TM2D3: variants seen among roughly 807,000 people sequenced by gnomAD.
TM2D3 encodes TM2 domain-containing protein 3.
TM2D3 carries 33 observed loss-of-function variants against 27.3 expected under a neutral mutation model. The ratio of observed to expected loss-of-function variants is 1.21; its 90% CI spans 0.92 to 1.61. The LOEUF is 1.61. TM2D3 is among the 40% of genes most tolerant of loss of function. TM2D3 has a pLI of 0.00. For missense variants in TM2D3, 364 were observed against 320.8 expected (o/e 1.13, Z -1.03); for synonymous variants, 138 against 122.2 (o/e 1.13, Z -0.85).
chr15:101,651,561 T>C, intron 2 of TM2D3, 135 bp downstream of exon 2: 1 of 887,406 alleles, frequency 1.1e-6, no homozygotes, highest in South Asian at 1.6e-5. Context: ...CTACCCTTAA[T>C]TCACATAATC....
At chr15:101,642,728 A>T in intron 5 of TM2D3, 84 bp from the exon 6 acceptor site, 4 of 1,230,326 alleles carry the variant, frequency 3.3e-6, no homozygotes, top group Non-Finnish European at 4.4e-6. Context: ...ACATTATGTC[A>T]GATTTGAGAA....
intron 2 of TM2D3, 57 bp downstream of exon 2, chr15:101,651,639 A>G: frequency 6.6e-7 from 1 of 1,508,502 alleles, no homozygotes; most frequent in Non-Finnish European, 9.1e-7. Flanking sequence ...TATAAAAACA[A>G]AGAGAAACTA....
intron 1 of TM2D3, 84 bp downstream of exon 1, chr15:101,652,187 G>T: frequency 7.9e-7 from 1 of 1,268,598 alleles, no homozygotes; most frequent in Non-Finnish European, 1.1e-6. Flanking sequence ...GTCAGCGTCC[G>T]CCCGTGGGCC....
At chr15:101,641,120 T>G (rs1896657690), downstream of TM2D3, among the ~76,000 whole-genome samples, 1 of 152,230 alleles carries the variant, frequency 6.6e-6, no homozygotes, top group African/African-American at 2.4e-5. Context: ...GGGCTACTTC[T>G]TGAAGAAAAG....
rs1435619532 is a variant in TM2D3, at chr15:101,651,745, T to C, written c.120A>G (p.Ile40Met). 2.5e-6 allele frequency: 4 copies of C among 1,614,090 alleles called. No homozygotes were observed. The highest frequency in any genetic ancestry group is 1.3e-5 in the African/African-American group (1 of 74,924). Residue 40 changes from isoleucine (I) to methionine (M), a missense_variant, in exon 2 of 6, where the codon ATA (isoleucine) becomes ATG (methionine). Coordinates refer to ENST00000333202, the MANE Select transcript of TM2D3 (RefSeq NM_078474.3). ...ATGTGCGTGTTGGGCCCGGATCCTT[T>C]ATTGACTGAGCCAGCGCCTGCGATT... Reference protein sequence around the residue: ...GEQSQALAQSIKDPGPTRTFT... With the variant: ...GEQSQALAQSMKDPGPTRTFT...
chr15:101,633,687 C>T, exon 5 of TM2D3: 1 of 1,533,658 alleles, frequency 6.5e-7, no homozygotes. Context: ...TCAATGAAGT[C>T]CAACAGTGAG....
In TM2D3 at chr15:101,650,162, C is replaced by G; in HGVS notation, c.170-1G>C. Reference sequence around the variant, plus strand: ...ACATAAGGTGGGATTTCAGTACTTTCTGTGAGAGGCAAGAGAGAAGCTTAT... The same window carrying G: ...ACATAAGGTGGGATTTCAGTACTTTGTGTGAGAGGCAAGAGAGAAGCTTAT... On this transcript the variant is annotated splice_acceptor_variant, in intron 2 of 5. Transcript: ENST00000333202. LOFTEE classifies it high-confidence loss of function. The G allele has an allele frequency of 6.2e-7, 1 of 1,611,790 alleles. No homozygotes were observed. The highest frequency in any genetic ancestry group is 8.5e-7 in the Non-Finnish European group (1 of 1,179,060).
chr15:101,642,021 G>A lies in TM2D3; in HGVS notation c.*458C>T. 1 of 986,212 alleles carries A rather than the reference G, an allele frequency of 1.0e-6. No individual in the cohort carries two copies. The highest frequency in any genetic ancestry group is 1.2e-6 in the Non-Finnish European group (1 of 830,308). 61.1% of individuals were successfully genotyped at this position (986,212 alleles called of 1,614,324 possible). ...AAAACTTACACATGACTGAAGCTGA[G>A]CCTAATAACTTCAATTAGCCAACAA... On this transcript the variant is annotated 3_prime_UTR_variant, in exon 6 of 6. Coordinates refer to ENST00000333202, the MANE Select transcript of TM2D3 (RefSeq NM_078474.3).
At chr15:101,650,918 G>A (rs962133640) in intron 2 of TM2D3, 2 of 152,224 alleles carry the variant, frequency 1.3e-5, no homozygotes, top group Non-Finnish European at 2.9e-5. Flanking sequence ...AGTAATCTGA[G>A]TTTAAAATTC....
In TM2D3 at chr15:101,650,071, TTTG is replaced by T; in HGVS notation, c.257_259del (p.Thr86del). ...AGGCTTCCCATAGGTACAGGAGAAA[TTTG>T]TTGTGCAGTCTATACAGTCTGCAGG... is the stretch of plus-strand genomic sequence containing the variant. On this transcript the variant is annotated inframe_deletion, in exon 3 of 6. Coordinates refer to ENST00000333202, the MANE Select transcript of TM2D3 (RefSeq NM_078474.3). 6.2e-7 allele frequency: 1 copy of T among 1,614,132 alleles called. No individual in the cohort carries two copies.
intron 2 of TM2D3, 113 bp downstream of exon 2, chr15:101,651,579 CAATA>C (rs1896969201): frequency 2.9e-6 from 3 of 1,023,534 alleles, no homozygotes; most frequent in Admixed American, 2.2e-5. Flanking sequence ...ATCTAAAATA[CAATA>C]AATATTCAAA....
intron 3 of TM2D3, among the ~76,000 whole-genome samples, chr15:101,647,723 A>G (rs1896851993): frequency 6.6e-6 from 1 of 152,208 alleles, no homozygotes; most frequent in Admixed American, 6.5e-5. Context: ...TTTCTTCTAC[A>G]TGTATATTTA....
chr15:101,633,485 G>A, exon 5 of TM2D3: 1 of 479,320 alleles, frequency 2.1e-6, no homozygotes, highest in Admixed American at 3.6e-5. Flanking sequence ...GTAGGAGTGA[G>A]GCCCTCAGAT....
intron 5 of TM2D3, 58 bp from the exon 6 acceptor site, chr15:101,642,702 T>G: frequency 6.8e-7 from 1 of 1,464,884 alleles, no homozygotes; most frequent in Non-Finnish European, 9.2e-7. Flanking sequence ...CTGTGGCCAG[T>G]CACGGTTTAA....
chr15:101,640,975 G>GCAT (rs1896654191), downstream of TM2D3, among the ~76,000 whole-genome samples: 1 of 152,210 alleles, frequency 6.6e-6, no homozygotes, highest in Non-Finnish European at 1.5e-5. Flanking sequence ...CAAGGGCAAT[G>GCAT]CATACTTCCT....
chr15:101,651,239 G>T (rs1166791140), intron 2 of TM2D3: 1 of 157,940 alleles, frequency 6.3e-6, no homozygotes, highest in Non-Finnish European at 1.4e-5. Context: ...GGTCCAAAGA[G>T]GATAAATAAT....
downstream of TM2D3, among the ~76,000 whole-genome samples, chr15:101,638,038 T>C (rs1013085642): frequency 1.2e-4 from 18 of 152,158 alleles, no homozygotes; most frequent in Non-Finnish European, 2.5e-4. Context: ...TAGGATTTTC[T>C]AAATGTCCTG....
chr15:101,649,901 T>A (rs1896923717), intron 3 of TM2D3, 103 bp downstream of exon 3: 11 of 1,145,714 alleles, frequency 9.6e-6, no homozygotes, highest in Middle Eastern at 2.3e-4. Flanking sequence ...TAAAAGAATA[T>A]AAAAATTCTT....
Position 101,646,903 on chromosome 15 carries a change from T to G in TM2D3, c.328-4A>C. The stretch of plus-strand genomic sequence containing the variant: ...TTTGGGATTTGAAGTCTTGATCCTA[T>G]GTAGCAAATGACACAAAACTCATCA... On this transcript the variant is annotated splice_region_variant and splice_polypyrimidine_tract_variant and intron_variant, in intron 3 of 5. Transcript: ENST00000333202. 1.2e-6 allele frequency: 2 copies of G among 1,614,198 alleles called. No homozygotes were observed. The highest frequency in any genetic ancestry group is 1.7e-6 in the Non-Finnish European group (2 of 1,180,008).
Sources: allele counts gnomAD v4.1 joint callset (sites outside exome capture counted in the v4.1 genomes callset), GRCh38; gene constraint gnomAD v4.1.1; transcripts MANE v1.5; gene names NCBI Gene and HGNC (gene_info 2026-07-23, HGNC 2026-07-21).